The following TTLL5 variants were observed in gnomAD, a reference collection of about 807,000 sequenced individuals.
TTLL5 encodes tubulin polyglutamylase TTLL5.
A neutral mutation model predicts 168.4 loss-of-function variants in TTLL5; 132 were observed. The observed-to-expected ratio is 0.78, with a 90% CI of 0.68 to 0.91. The LOEUF is 0.91. TTLL5 is among the 40% of genes least tolerant of loss of function. TTLL5 has a pLI of 0.00. For synonymous variants in TTLL5, 546 were observed against 558.6 expected, an observed-to-expected ratio of 0.98 and a Z score of 0.32; for missense variants, 1,545 against 1,581.5, an observed-to-expected ratio of 0.98 and a Z score of 0.39.
At position 75,663,142 on chromosome 14, in the gene TTLL5, T is replaced by TA. The variant is rs1566805151; in HGVS notation, c.-5dup. On this transcript the variant is annotated 5_prime_UTR_variant, in exon 2 of 32. Coordinates refer to ENST00000298832, the MANE Select transcript of TTLL5 (RefSeq NM_015072.5). ...CGTCTGCTGACTGCATGACAAACCCTAAAGGAAATGCCAATCGTGATGGCC... is the reference window on the plus strand; with the variant it reads ...CGTCTGCTGACTGCATGACAAACCCTAAAAGGAAATGCCAATCGTGATGGCC... 3 of 1,613,290 alleles carry TA rather than the reference T, an allele frequency of 1.9e-6. No individual in the cohort carries two copies. The highest frequency in any genetic ancestry group is 2.7e-5 in the African/African-American group (2 of 74,870).
intron 31 of TTLL5, among the ~76,000 whole-genome samples, chr14:75,945,070 G>T (rs1002702244): frequency 2.0e-5 from 3 of 151,910 alleles, no homozygotes; most frequent in Non-Finnish European, 2.9e-5. Context: ...GACGCCAGAA[G>T]TATGCCAGCA....
At chr14:75,780,686 A>G (rs1891996795) in intron 24 of TTLL5, among the ~76,000 whole-genome samples, 1 of 152,200 alleles carries the variant, frequency 6.6e-6, no homozygotes, top group Non-Finnish European at 1.5e-5. Flanking sequence ...TAAAATGTGG[A>G]ATGAATTTTC....
At chr14:75,735,321 G>C (rs1888813069) in intron 15 of TTLL5, 32 bp downstream of exon 15, 1 of 1,605,068 alleles carries the variant, frequency 6.2e-7, no homozygotes, top group South Asian at 1.1e-5. Context: ...GAGCCTGAAG[G>C]AGGCTTACTG....
intron 31 of TTLL5, among the ~76,000 whole-genome samples, chr14:75,916,695 G>A (rs2033627892): frequency 6.6e-6 from 1 of 152,156 alleles, no homozygotes. Context: ...GTGTGCGTAT[G>A]CCCAAAAGAA....
intron 31 of TTLL5, among the ~76,000 whole-genome samples, chr14:75,912,527 A>G (rs549749744): frequency 6.6e-6 from 1 of 152,272 alleles, no homozygotes; most frequent in South Asian, 2.1e-4. Context: ...AAAACAAGAT[A>G]ATTCCAAGTT....
At chr14:75,720,852 C>T (rs1354796870) in intron 12 of TTLL5, 149 bp downstream of exon 12, 2 of 681,230 alleles carry the variant, frequency 2.9e-6, no homozygotes, top group Non-Finnish European at 5.1e-6. Flanking sequence ...ATATGAAGAG[C>T]CTACTAAGAG....
At chr14:75,879,317 A>G (rs2031674842) in intron 29 of TTLL5, among the ~76,000 whole-genome samples, 11 of 152,242 alleles carry the variant, frequency 7.2e-5, no homozygotes, top group Admixed American at 5.2e-4. Context: ...ATTTGCTTTC[A>G]CAACTAGTGA....
intron 3 of TTLL5, among the ~76,000 whole-genome samples, chr14:75,680,295 G>C (rs572061155): frequency 2.6e-5 from 4 of 152,292 alleles, no homozygotes; most frequent in African/African-American, 9.6e-5. Context: ...AGGCAGGCTG[G>C]ATCCTGAGCT....
intron 28 of TTLL5, among the ~76,000 whole-genome samples, chr14:75,824,207 T>C (rs1894989286): frequency 6.6e-6 from 1 of 152,160 alleles, no homozygotes; most frequent in African/African-American, 2.4e-5. Flanking sequence ...CTCTCTAGGG[T>C]ATATCTTCCA....
chr14:75,816,001 C>T (rs969510412), intron 27 of TTLL5, among the ~76,000 whole-genome samples: 7 of 152,210 alleles, frequency 4.6e-5, no homozygotes, highest in Non-Finnish European at 1.0e-4. Flanking sequence ...CGCTGGAAGG[C>T]GAACACTCTC....
chr14:75,756,614 T>C (rs1890278633), intron 18 of TTLL5, among the ~76,000 whole-genome samples: 1 of 151,934 alleles, frequency 6.6e-6, no homozygotes, highest in Non-Finnish European at 1.5e-5. Flanking sequence ...TTCAAGTGAT[T>C]CTCCTGCCTC....
At chr14:75,674,434 G>A (rs544553884) in intron 3 of TTLL5, among the ~76,000 whole-genome samples, 4 of 152,260 alleles carry the variant, frequency 2.6e-5, no homozygotes, top group Admixed American at 2.6e-4. Flanking sequence ...TGGGGCAATA[G>A]TTACCTTCTG....
At chr14:75,944,764 AG>A (rs1257539124) in intron 31 of TTLL5, among the ~76,000 whole-genome samples, 1 of 152,214 alleles carries the variant, frequency 6.6e-6, no homozygotes, top group African/African-American at 2.4e-5. Context: ...AGGGAAAGGC[AG>A]TCTCCTTATA....
At position 75,864,194 on chromosome 14, in the gene TTLL5, C is replaced by G. The variant is rs567924156; in HGVS notation, c.3522+332C>G. On this transcript the variant is annotated intron_variant, in intron 29 of 31. Coordinates refer to ENST00000298832, the MANE Select transcript of TTLL5 (RefSeq NM_015072.5). ...TCCCATAGGGTCTGATTCTAAGATA[C>G]CTGAAAGCTTGTATTTTAAGCATCT... Among the ~76,000 whole-genome samples, 7 of 152,122 alleles carry G rather than the reference C, an allele frequency of 4.6e-5. No individual in the cohort carries two copies. The South Asian group carries it at 1.5e-3, about 32-fold the overall frequency.
At chr14:75,887,482 A>G (rs1167617370) in intron 30 of TTLL5, among the ~76,000 whole-genome samples, 2 of 152,198 alleles carry the variant, frequency 1.3e-5, no homozygotes, top group Non-Finnish European at 2.9e-5. Context: ...TGAATCTATA[A>G]CATATTCATC....
rs144703016 is a variant in TTLL5, at chr14:75,733,963, G to GC, written c.1125-25dup. 5.8e-3 allele frequency: 9,343 copies of GC among 1,609,428 alleles called. 37 individuals are homozygous for GC. Among genetic ancestry groups the GC allele is most frequent in the Non-Finnish European group, 7.1e-3 (8,389 of 1,176,850 alleles). On this transcript the variant is annotated intron_variant, in intron 13 of 31. Transcript: ENST00000298832. ...CTGTTAACCTACACACTTATCAATTGCTCTTTTCTTTCTCTGTTCTGTTAG... is the reference window on the plus strand; with the variant it reads ...CTGTTAACCTACACACTTATCAATTGCCTCTTTTCTTTCTCTGTTCTGTTAG...
intron 29 of TTLL5, among the ~76,000 whole-genome samples, chr14:75,879,700 T>G (rs2031697527): frequency 2.6e-5 from 4 of 152,362 alleles, no homozygotes; most frequent in Admixed American, 2.6e-4. Flanking sequence ...TGACAAGGCC[T>G]ACATTTGAGC....
At chr14:75,801,427 G>A (rs1296650506) in intron 27 of TTLL5, among the ~76,000 whole-genome samples, 3 of 152,116 alleles carry the variant, frequency 2.0e-5, no homozygotes, top group African/African-American at 7.2e-5. Context: ...CAGGGTAAAG[G>A]TGTCCATCAC....
intron 6 of TTLL5, among the ~76,000 whole-genome samples, chr14:75,690,984 G>A (rs1413842927): frequency 6.6e-6 from 1 of 151,868 alleles, no homozygotes; most frequent in Admixed American, 6.6e-5. Context: ...TCCCTTTTTC[G>A]CTTGCCATTT....
Sources: allele counts gnomAD v4.1 joint callset (sites outside exome capture counted in the v4.1 genomes callset), GRCh38; gene constraint gnomAD v4.1.1; transcripts MANE v1.5; gene names NCBI Gene and HGNC (gene_info 2026-07-23, HGNC 2026-07-21).